Variants in ADAMTS10 observed in about 807,000 individuals in gnomAD.
The protein encoded by ADAMTS10 is A disintegrin and metalloproteinase with thrombospondin motifs 10.
ADAMTS10 carries 48 observed loss-of-function variants against 135.9 expected under a neutral mutation model. The observed-to-expected ratio is 0.35, with a 90% CI of 0.28 to 0.45. The LOEUF is 0.45. ADAMTS10 is among the 20% of genes least tolerant of loss of function. ADAMTS10 has a pLI of 1.00. For synonymous variants in ADAMTS10, 621 were observed against 647.5 expected (o/e 0.96, Z 0.62); for missense variants, 1,131 against 1,565.2 (o/e 0.72, Z 4.68).
At chr19:8,608,918 G>T (rs1324274039) in intron 1 of ADAMTS10, among the ~76,000 whole-genome samples, 2 of 151,516 alleles carry the variant, frequency 1.3e-5, no homozygotes, top group Admixed American at 6.6e-5. Flanking sequence ...GGGGAGGAGG[G>T]GGGTCTGCAG....
rs80046653 is a variant in ADAMTS10 at position 8,584,904 on chromosome 19, C to T, written c.3193G>A (p.Gly1065Ser). ...AKCDSPTPGD[G>S]PEECKDVNKV... ...CTGGTCACCCACATACCTTCAGGGC[C>T]GTCCCCGGGGGTTGGGCTGTCGCAC... The change falls in exon 25 of 26, where the codon GGC (glycine) becomes AGC (serine). Residue 1065 changes from glycine (G) to serine (S), a missense_variant. Coordinates refer to ENST00000597188, the MANE Select transcript of ADAMTS10 (RefSeq NM_030957.4). The T allele has an allele frequency of 1.2e-3, 1,802 of 1,548,962 alleles. 26 individuals carry two copies. In the African/African-American group the frequency reaches 0.021, roughly 18 times the overall value.
rs897485991 is a variant in ADAMTS10, at chr19:8,592,616, T to C, written c.1587+147A>G. ...CGCGGGAAGGAGCAAGCAGTAGGCG[T>C]GGCCACAGCCGAGGGAGCACAAATG... On this transcript the variant is annotated intron_variant, in intron 13 of 25. Transcript: ENST00000597188. 15 of 824,762 alleles carry C rather than the reference T, an allele frequency of 1.8e-5. 1 individual carries two copies. Among genetic ancestry groups the C allele is most frequent in the East Asian group, 8.0e-5 (3 of 37,282 alleles). The allele number at this position is 824,762 out of a possible 1,614,324, so 51.1% of individuals were successfully genotyped here.
intron 15 of ADAMTS10, 46 bp from the exon 16 acceptor site, chr19:8,590,037 A>G (rs782648024): frequency 1.5e-6 from 2 of 1,371,124 alleles, no homozygotes; most frequent in Admixed American, 3.4e-5. Flanking sequence ...GCTTGGGGGG[A>G]TGGAGTCAGA....
intron 4 of ADAMTS10, among the ~76,000 whole-genome samples, chr19:8,604,475 TAA>T (rs1175448096): frequency 2.0e-5 from 3 of 147,710 alleles, no homozygotes; most frequent in African/African-American, 7.4e-5. Context: ...TTTATAAATA[TAA>T]AAAATATATA....
Position 8,603,855 on chromosome 19 carries a change from C to T in ADAMTS10, c.465G>A (p.Glu155=). 3 of 1,613,472 alleles carry T rather than the reference C, an allele frequency of 1.9e-6. No individual in the cohort carries two copies. The highest frequency in any genetic ancestry group is 1.7e-6 in the Non-Finnish European group (2 of 1,179,444). ...LHGLIVADEE[E]YLIEPLHGGP... ...CACCGTGCAGGGGCTCAATCAGGTACTCTTCCTCGTCTGCCACGATCAGGC... is the reference window on the plus strand; with the variant it reads ...CACCGTGCAGGGGCTCAATCAGGTATTCTTCCTCGTCTGCCACGATCAGGC... The change falls in exon 5 of 26, where the codon GAG becomes GAA. Residue 155 remains glutamate, a synonymous_variant. Coordinates refer to ENST00000597188, the MANE Select transcript of ADAMTS10 (RefSeq NM_030957.4).
In ADAMTS10 at chr19:8,590,001, G is replaced by A. The variant is rs1555738530; in HGVS notation, c.1798-10C>T. On this transcript the variant is annotated splice_polypyrimidine_tract_variant and intron_variant, in intron 15 of 25. Transcript: ENST00000597188. ...AGCCAGGGGGACAGTCCTGGGGGCA[G>A]GAGAGGAGAGATGGAGGGAGGCCAG... 6.2e-7 allele frequency: 1 copy of A among 1,605,660 alleles called. No homozygotes were observed. Among genetic ancestry groups the A allele is most frequent in the East Asian group, 2.2e-5 (1 of 44,868 alleles).
rs1210110846 is a variant in ADAMTS10, at chr19:8,600,561, T to C, written c.810+367A>G. Reference sequence around the variant, plus strand: ...TCGCCCAGGCTGGAGTGCAGTGGCGTGATCTTGGCTCACTGCAAGCTCTGC... The same window carrying C: ...TCGCCCAGGCTGGAGTGCAGTGGCGCGATCTTGGCTCACTGCAAGCTCTGC... On this transcript the variant is annotated intron_variant, in intron 6 of 25. Transcript: ENST00000597188. Among the ~76,000 whole-genome samples, 14 of 149,932 alleles carry C rather than the reference T, an allele frequency of 9.3e-5. 1 individual carries two copies. The highest frequency in any genetic ancestry group is 1.7e-4 in the African/African-American group (7 of 40,692).
In ADAMTS10 at chr19:8,592,038, C is replaced by A. The variant is rs1339985228; in HGVS notation, c.1653G>T (p.Gly551=). The A allele has an allele frequency of 6.2e-6, 10 of 1,613,476 alleles. No homozygotes were observed. The highest frequency in any genetic ancestry group is 8.5e-6 in the Non-Finnish European group (10 of 1,179,776). Residue 551 remains glycine (G), a synonymous_variant, in exon 14 of 26, where the codon GGG becomes GGT. Transcript: ENST00000597188. The part of the protein sequence containing the change: ...SRPEGVDGAW[G]PWTPWGDCSR... The stretch of plus-strand genomic sequence containing the variant: ...TGCAGTCGCCCCATGGAGTCCACGG[C>A]CCCCAGGCTCCGTCCACACCCTCTG...
At position 8,592,358 on chromosome 19, in the gene ADAMTS10, G is replaced by T. The variant is rs926651249; in HGVS notation, c.1588-255C>A. The T allele has an allele frequency of 1.3e-5, 9 of 710,664 alleles. No homozygotes were observed. In the African/African-American group the frequency reaches 1.4e-4, roughly 11 times the overall value. The allele number at this position is 710,664 out of a possible 1,614,324, so 44.0% of individuals were successfully genotyped here. On this transcript the variant is annotated intron_variant, in intron 13 of 25. Transcript: ENST00000597188. ...GTGTAGACAGGACCACGATAAGCGT[G>T]GAGACGAGGTGGGGCGTGGCTTCAG...
In ADAMTS10 at chr19:8,589,587, T is replaced by TG. The variant is rs781794290; in HGVS notation, c.1901-3dup. ...TGAGCGAGCAGGCCTTCACGCCCCC[T>TG]GGGGGGCACGGCCCCGTCACACCAC... On this transcript the variant is annotated splice_polypyrimidine_tract_variant and splice_region_variant and intron_variant, in intron 16 of 25. Transcript: ENST00000597188. The TG allele has an allele frequency of 6.2e-7, 1 of 1,613,212 alleles. No individual in the cohort carries two copies.
chr19:8,590,448 A>ATTAT lies in ADAMTS10; in HGVS notation c.1798-461_1798-458dup, dbSNP rs543968321. Among the ~76,000 whole-genome samples the ATTAT allele has an allele frequency of 2.2e-3, 310 of 142,074 alleles. 3 individuals are homozygous for ATTAT. The highest frequency in any genetic ancestry group is 5.9e-3 in the African/African-American group (222 of 37,820). The allele number at this position is 142,074 out of a possible 152,430, so 93.2% of individuals were successfully genotyped here. A position where few individuals can be genotyped will look rare whatever the true frequency, so the allele number is the denominator to read the frequency against. On this transcript the variant is annotated intron_variant, in intron 15 of 25. Transcript: ENST00000597188. The stretch of plus-strand genomic sequence containing the variant: ...GCCACTATGCCTGGCTAATTTTTGC[A>ATTAT]TTATTTATTTATTTATTTATTTATT...
At chr19:8,598,420 CTG>C (rs1555740716) in intron 6 of ADAMTS10, among the ~76,000 whole-genome samples, 1 of 151,886 alleles carries the variant, frequency 6.6e-6, no homozygotes, top group African/African-American at 2.4e-5. Flanking sequence ...GAAAGTAAAA[CTG>C]TGAGGGCAGG....
At chr19:8,585,712 A>G in intron 22 of ADAMTS10, 52 bp from the exon 23 acceptor site, 1 of 1,564,210 alleles carries the variant, frequency 6.4e-7, no homozygotes, top group Non-Finnish European at 8.8e-7. Context: ...GGGTCCCAAC[A>G]CAACAGCAGG....
Position 8,586,797 on chromosome 19 carries a change from C to T in ADAMTS10, c.2239+19G>A. The stretch of plus-strand genomic sequence containing the variant: ...CCCACTGACCCCTAATCCTCATCCC[C>T]TCCCCACCATCTGCTCACCCAAGTG... On this transcript the variant is annotated intron_variant, in intron 19 of 25. Coordinates refer to ENST00000597188, the MANE Select transcript of ADAMTS10 (RefSeq NM_030957.4). 1 of 1,614,110 alleles carries T rather than the reference C, an allele frequency of 6.2e-7. No individual in the cohort carries two copies. The highest frequency in any genetic ancestry group is 8.5e-7 in the Non-Finnish European group (1 of 1,180,028).
At chr19:8,583,377 C>T (rs1333856311) in intron 25 of ADAMTS10, among the ~76,000 whole-genome samples, 3 of 150,384 alleles carry the variant, frequency 2.0e-5, no homozygotes, top group South Asian at 2.1e-4. Context: ...CCCATCTCTA[C>T]TAAAAATACA....
In ADAMTS10 at chr19:8,597,178, G is replaced by A. The variant is rs201846359; in HGVS notation, c.895-46C>T. ...ATGCATGGGCACCCACCACCCAGGG[G>A]ACGGCAGGACATGCTGGTATGAAGG... On this transcript the variant is annotated intron_variant, in intron 7 of 25. Coordinates refer to ENST00000597188, the MANE Select transcript of ADAMTS10 (RefSeq NM_030957.4). 6 of 1,614,028 alleles carry A rather than the reference G, an allele frequency of 3.7e-6. No individual in the cohort carries two copies. In the East Asian group the frequency reaches 1.3e-4, roughly 36 times the overall value.
At chr19:8,606,963 GGT>G (rs1555742694) in intron 2 of ADAMTS10, among the ~76,000 whole-genome samples, 1 of 152,126 alleles carries the variant, frequency 6.6e-6, no homozygotes, top group African/African-American at 2.4e-5. Flanking sequence ...AGAAATCAAT[GGT>G]GTGAAGAGAC....
chr19:8,596,611 G>C lies in ADAMTS10; in HGVS notation c.1041-26C>G, dbSNP rs782169326. The stretch of plus-strand genomic sequence containing the variant: ...CTGTAAAAGGAGACAGGGTCAGTGA[G>C]GGGGCTGGGCTGTCTCCCTAAGCCC... On this transcript the variant is annotated intron_variant, in intron 8 of 25. Transcript: ENST00000597188. The surrounding 1 kb of genome is among the most constrained non-coding windows in gnomAD (Gnocchi z 7.2). 56 of 1,611,538 alleles carry C rather than the reference G, an allele frequency of 3.5e-5. No individual in the cohort carries two copies. The Middle Eastern group carries it at 6.4e-4, about 18-fold the overall frequency.
At position 8,596,859 on chromosome 19, in the gene ADAMTS10, C is replaced by A; in HGVS notation, c.1040+128G>T. 1 of 1,465,290 alleles carries A rather than the reference C, an allele frequency of 6.8e-7. No individual in the cohort carries two copies. Among genetic ancestry groups the A allele is most frequent in the Non-Finnish European group, 9.3e-7 (1 of 1,070,014 alleles). 90.8% of individuals were successfully genotyped at this position (1,465,290 alleles called of 1,614,324 possible). A position where few individuals can be genotyped will look rare whatever the true frequency, so the allele number is the denominator to read the frequency against. ...AGCAGCCCCTCCCCATCCCTGGCTC[C>A]CTCATGGGCAGCCCAAACTTCTCTG... On this transcript the variant is annotated intron_variant, in intron 8 of 25. Coordinates refer to ENST00000597188, the MANE Select transcript of ADAMTS10 (RefSeq NM_030957.4). The surrounding 1 kb of genome is among the most constrained non-coding windows in gnomAD (Gnocchi z 7.2).
Sources: allele counts gnomAD v4.1 joint callset (sites outside exome capture counted in the v4.1 genomes callset), GRCh38; gene constraint gnomAD v4.1.1; non-coding constraint Gnocchi (gnomAD v3.1); transcripts MANE v1.5; gene names NCBI Gene and HGNC (gene_info 2026-07-23, HGNC 2026-07-21).